The following NEDD4L variants were observed in gnomAD, a reference collection of about 807,000 sequenced individuals.
The protein encoded by NEDD4L is NEDD4 like E3 ubiquitin protein ligase, also known as E3 ubiquitin-protein ligase NEDD4-like.
In NEDD4L, 54 loss-of-function variants were observed where a neutral mutation model predicts 148.9. The ratio of observed to expected loss-of-function variants is 0.36; its 90% CI spans 0.29 to 0.45. NEDD4L has a LOEUF of 0.45. Among genes scored for constraint, NEDD4L ranks in the 20% least tolerant of loss-of-function variants. The pLI, the probability that NEDD4L is intolerant of heterozygous loss-of-function variation, is 1.00. For synonymous variants in NEDD4L, 433 were observed against 440.7 expected (o/e 0.98, Z 0.22); for missense variants, 856 against 1,233.8 (o/e 0.69, Z 4.59).
intron 2 of NEDD4L, among the ~76,000 whole-genome samples, chr18:58,193,274 C>G (rs1284304958): frequency 3.9e-5 from 6 of 152,204 alleles, no homozygotes; most frequent in Non-Finnish European, 8.8e-5. Context: ...CACAGACTTG[C>G]AAATAATATA....
chr18:58,099,357 G>T (rs1407834690), intron 1 of NEDD4L, among the ~76,000 whole-genome samples: 6 of 152,238 alleles, frequency 3.9e-5, no homozygotes, highest in African/African-American at 1.4e-4. Context: ...ATAGCATCTA[G>T]GTCAGTGCCT....
At chr18:58,333,593 C>G (rs1161758614) in intron 11 of NEDD4L, among the ~76,000 whole-genome samples, 1 of 152,148 alleles carries the variant, frequency 6.6e-6, no homozygotes, top group East Asian at 1.9e-4. Context: ...ACTTTTGCCA[C>G]TAATTCTAAG....
chr18:58,360,487 A>C (rs1049061441), intron 19 of NEDD4L, among the ~76,000 whole-genome samples: 1 of 152,082 alleles, frequency 6.6e-6, no homozygotes. Context: ...TTATTATTTC[A>C]GTGACTAAAT....
intron 2 of NEDD4L, among the ~76,000 whole-genome samples, chr18:58,214,274 T>A (rs904245817): frequency 3.3e-5 from 5 of 152,220 alleles, no homozygotes; most frequent in Non-Finnish European, 5.9e-5. Flanking sequence ...ACAGCAGCAG[T>A]CCCCTGGTTT....
chr18:58,089,435 G>C (rs888992538), intron 1 of NEDD4L, among the ~76,000 whole-genome samples: 1 of 152,124 alleles, frequency 6.6e-6, no homozygotes, highest in African/African-American at 2.4e-5. Context: ...ATGCCTGGCC[G>C]TATTTCATAA....
intron 10 of NEDD4L, among the ~76,000 whole-genome samples, chr18:58,330,031 T>C (rs2059665910): frequency 6.6e-6 from 1 of 152,202 alleles, no homozygotes; most frequent in Non-Finnish European, 1.5e-5. Flanking sequence ...AAATGTGTAA[T>C]TTTCCCTTTA....
Position 58,385,602 on chromosome 18 carries a change from C to T in NEDD4L, c.2487+16C>T, listed in dbSNP as rs776602947. The T allele has an allele frequency of 6.2e-7, 1 of 1,609,842 alleles. No individual in the cohort carries two copies. Among genetic ancestry groups the T allele is most frequent in the East Asian group, 2.2e-5 (1 of 44,846 alleles). The stretch of plus-strand genomic sequence containing the variant: ...CTTCTTGGAGGTAAGCCATGCTGGC[C>T]AGGGTTCTCTGCCATGTGCCTCTGG... On this transcript the variant is annotated intron_variant, in intron 26 of 30. Transcript: ENST00000400345.
intron 1 of NEDD4L, among the ~76,000 whole-genome samples, chr18:58,080,072 G>A (rs753569342): frequency 5.3e-5 from 8 of 152,112 alleles, no homozygotes; most frequent in Non-Finnish European, 7.4e-5. Flanking sequence ...GTTGCCATGC[G>A]TAACACCGTG....
intron 1 of NEDD4L, among the ~76,000 whole-genome samples, chr18:58,086,708 T>A (rs1043184403): frequency 1.8e-4 from 28 of 152,298 alleles, no homozygotes; most frequent in Non-Finnish European, 4.0e-4. Context: ...TCCAAGGGAA[T>A]TAGAGGAATA....
intron 18 of NEDD4L, among the ~76,000 whole-genome samples, chr18:58,353,317 T>C (rs1053296993): frequency 3.9e-5 from 6 of 152,258 alleles, no homozygotes; most frequent in African/African-American, 1.4e-4. Flanking sequence ...GGCTCCATTA[T>C]ACTCTGTACA....
intron 5 of NEDD4L, among the ~76,000 whole-genome samples, chr18:58,264,135 T>C (rs506894): frequency 6.6e-6 from 1 of 152,132 alleles, no homozygotes; most frequent in East Asian, 1.9e-4. Flanking sequence ...AACCTCTTAC[T>C]ACAGTAATTA....
chr18:58,165,913 G>A, intron 2 of NEDD4L, 52 bp downstream of exon 2: 1 of 1,461,936 alleles, frequency 6.8e-7, no homozygotes, highest in East Asian at 2.4e-5. Flanking sequence ...TTGACAAGCA[G>A]TTTTCAAATT....
chr18:58,225,073 A>G (rs1388084252), intron 2 of NEDD4L, among the ~76,000 whole-genome samples: 1 of 152,166 alleles, frequency 6.6e-6, no homozygotes, highest in East Asian at 1.9e-4. Flanking sequence ...GTCTGGAAAA[A>G]AAAGTCACTT....
intron 1 of NEDD4L, among the ~76,000 whole-genome samples, chr18:58,070,806 A>G (rs2082832630): frequency 6.7e-6 from 1 of 149,202 alleles, no homozygotes; most frequent in African/African-American, 2.5e-5. Context: ...GCGAACCACT[A>G]AACTAAGAGT....
chr18:58,209,631 G>T (rs1046597866), intron 2 of NEDD4L, among the ~76,000 whole-genome samples: 1 of 150,656 alleles, frequency 6.6e-6, no homozygotes, highest in Non-Finnish European at 1.5e-5. Flanking sequence ...CTGGAGAAAA[G>T]ACCTACGTTC....
intron 2 of NEDD4L, chr18:58,221,710 T>C: frequency 1.0e-6 from 1 of 985,460 alleles, no homozygotes; most frequent in Non-Finnish European, 1.2e-6. Context: ...CTAGTCCAGC[T>C]GAACACTTTC....
intron 5 of NEDD4L, among the ~76,000 whole-genome samples, chr18:58,302,769 G>A (rs933096022): frequency 8.5e-5 from 13 of 152,178 alleles, no homozygotes; most frequent in African/African-American, 3.1e-4. Context: ...AAGGATTGGT[G>A]CCCATTTAGC....
intron 12 of NEDD4L, among the ~76,000 whole-genome samples, chr18:58,334,432 G>T (rs1280990355): frequency 6.6e-6 from 1 of 152,216 alleles, no homozygotes; most frequent in Non-Finnish European, 1.5e-5. Flanking sequence ...ATGTAGAGGT[G>T]TAGGGGATTT....
intron 1 of NEDD4L, among the ~76,000 whole-genome samples, chr18:58,100,664 C>CT (rs2084694107): frequency 6.6e-6 from 1 of 152,128 alleles, no homozygotes; most frequent in Non-Finnish European, 1.5e-5. Context: ...TGGGCAAGGC[C>CT]TTAAAAACAA....
Sources: allele counts gnomAD v4.1 joint callset (sites outside exome capture counted in the v4.1 genomes callset), GRCh38; gene constraint gnomAD v4.1.1; transcripts MANE v1.5; gene names NCBI Gene and HGNC (gene_info 2026-07-23, HGNC 2026-07-21).